PRPF4: variants seen among roughly 807,000 people sequenced by gnomAD.
The protein encoded by PRPF4 is U4/U6 small nuclear ribonucleoprotein Prp4.
A neutral mutation model predicts 72.2 loss-of-function variants in PRPF4; 14 were observed. That is an observed-to-expected ratio of 0.19 (90% CI 0.13 to 0.30). The LOEUF is 0.30. Among genes scored for constraint, PRPF4 ranks in the 10% least tolerant of loss-of-function variants. The pLI is 1.00. For synonymous variants in PRPF4, 225 were observed against 232.2 expected, an observed-to-expected ratio of 0.97 and a Z score of 0.28; for missense variants, 478 against 653.9, an observed-to-expected ratio of 0.73 and a Z score of 2.93.
chr9:113,284,471 A>C lies in PRPF4; in HGVS notation c.749+82A>C, dbSNP rs192236685. The C allele has an allele frequency of 8.9e-4, 1,017 of 1,142,862 alleles. 1 individual carries two copies. The highest frequency in any genetic ancestry group is 1.2e-3 in the Admixed American group (70 of 57,444). The allele number at this position is 1,142,862 out of a possible 1,614,324, so 70.8% of individuals were successfully genotyped here. On this transcript the variant is annotated intron_variant, in intron 7 of 13. Coordinates refer to ENST00000374198, the MANE Select transcript of PRPF4 (RefSeq NM_001244926.2). ...AAATTAGCATTTGCGTTAGACGTCTATTTCTACGTCCTCTTTCTCTGCTTC... is the reference window on the plus strand; with the variant it reads ...AAATTAGCATTTGCGTTAGACGTCTCTTTCTACGTCCTCTTTCTCTGCTTC...
In PRPF4 at chr9:113,288,178, T is replaced by C. The variant is rs1285042477; in HGVS notation, c.936T>C (p.Asp312=). 1 of 1,614,132 alleles carries C rather than the reference T, an allele frequency of 6.2e-7. No homozygotes were observed. The highest frequency in any genetic ancestry group is 8.5e-7 in the Non-Finnish European group (1 of 1,179,962). ...TATATGTTTGGTTCCTTTCCAGTGA[T>C]GAACCAGTGGCAGATATTGAAGGCC... is the stretch of plus-strand genomic sequence containing the variant. ...GSVKLWSLDS[D]EPVADIEGHT... Residue 312 remains aspartate, a synonymous_variant, in exon 10 of 14, where the codon GAT becomes GAC. Coordinates refer to ENST00000374198, the MANE Select transcript of PRPF4 (RefSeq NM_001244926.2).
intron 10 of PRPF4, among the ~76,000 whole-genome samples, chr9:113,289,050 TC>T (rs944699974): frequency 6.6e-6 from 1 of 152,080 alleles, no homozygotes; most frequent in African/African-American, 2.4e-5. Context: ...TCCAGCCAAC[TC>T]CCCCTTCTAA....
At chr9:113,281,844 G>A (rs1832291969) in intron 3 of PRPF4, among the ~76,000 whole-genome samples, 1 of 151,924 alleles carries the variant, frequency 6.6e-6, no homozygotes, top group South Asian at 2.1e-4. Flanking sequence ...GTCCCCTCTA[G>A]CCCTCTGTGC....
intron 1 of PRPF4, 151 bp downstream of exon 1, chr9:113,275,921 A>G (rs772064190): frequency 1.8e-5 from 19 of 1,051,094 alleles, no homozygotes; most frequent in Non-Finnish European, 2.5e-5. Context: ...ACAGCGGACC[A>G]CCGTTTTCCT....
chr9:113,290,144 C>T (rs772486874), intron 10 of PRPF4, among the ~76,000 whole-genome samples: 7 of 151,694 alleles, frequency 4.6e-5, no homozygotes, highest in Non-Finnish European at 1.0e-4. Context: ...GGCTTGAACC[C>T]GGGAGGTGGA....
At chr9:113,291,198 G>T (rs891758184) in intron 13 of PRPF4, among the ~76,000 whole-genome samples, 182 bp downstream of exon 13, 2 of 152,126 alleles carry the variant, frequency 1.3e-5, no homozygotes, top group Non-Finnish European at 2.9e-5. Flanking sequence ...GGGAAAGCAC[G>T]CTTCTCGTTG....
chr9:113,285,270 C>T (rs1037112845), intron 7 of PRPF4, among the ~76,000 whole-genome samples: 33 of 147,904 alleles, frequency 2.2e-4, no homozygotes, highest in African/African-American at 7.0e-4. Context: ...TGGAAGGCCA[C>T]GGCAGGAGGA....
intron 1 of PRPF4, among the ~76,000 whole-genome samples, chr9:113,276,163 T>C (rs1163596521): frequency 6.6e-6 from 1 of 152,244 alleles, no homozygotes; most frequent in Non-Finnish European, 1.5e-5. Context: ...TGTAACTTGT[T>C]ATCCTTTAGC....
At chr9:113,276,821 A>AT (rs780403020) in intron 2 of PRPF4, 96 bp downstream of exon 2, 110,965 of 996,524 alleles carry the variant, frequency 0.11, 1 homozygote, top group Middle Eastern at 0.13. Context: ...AAAAATTACA[A>AT]TTTTTTTTTT....
Position 113,292,777 on chromosome 9 carries a change from C to T in PRPF4, c.*1117C>T, listed in dbSNP as rs1224013707. Reference sequence around the variant, plus strand: ...TAAAGGGTACTTTATGTTGAAGTAACGAAAAAACCCTAATGGGTGTTCCTA... The same window carrying T: ...TAAAGGGTACTTTATGTTGAAGTAATGAAAAAACCCTAATGGGTGTTCCTA... On this transcript the variant is annotated 3_prime_UTR_variant, in exon 14 of 14. Coordinates refer to ENST00000374198, the MANE Select transcript of PRPF4 (RefSeq NM_001244926.2). The T allele has an allele frequency of 2.6e-5, 4 of 152,008 alleles. No individual in the cohort carries two copies. Among genetic ancestry groups the T allele is most frequent in the East Asian group, 1.9e-4 (1 of 5,190 alleles). The allele number at this position is 152,008 out of a possible 1,614,324, so 9.4% of individuals were successfully genotyped here. A position where few individuals can be genotyped will look rare whatever the true frequency, so the allele number is the denominator to read the frequency against.
chr9:113,279,233 A>G, intron 3 of PRPF4, 102 bp downstream of exon 3: 1 of 1,087,096 alleles, frequency 9.2e-7, no homozygotes, highest in South Asian at 1.7e-5. Context: ...AATGTCTCAA[A>G]TCATGTTAAC....
rs187861419 is a variant in PRPF4, at chr9:113,290,743, C to T, written c.1189C>T (p.Arg397Cys). 23 of 1,614,082 alleles carry T rather than the reference C, an allele frequency of 1.4e-5. 1 individual carries two copies. The Admixed American group carries it at 1.8e-4, about 13-fold the overall frequency. ...TCGAGTTTGGGACCTACGCACAGGA[C>T]GTTGTATCATGTTCTTAGAAGGCCA... is the stretch of plus-strand genomic sequence containing the variant. ...FGRVWDLRTGRCIMFLEGHLK... is the reference protein window; with the variant it reads ...FGRVWDLRTGCCIMFLEGHLK... Residue 397 changes from arginine (R) to cysteine (C), a missense_variant, in exon 12 of 14, where the codon CGT becomes TGT. By Grantham distance (180) the Arg-to-Cys change is radical (BLOSUM62 -3). Transcript: ENST00000374198.
chr9:113,290,835 G>GA (rs1832588182), intron 12 of PRPF4, 28 bp downstream of exon 12: 1 of 1,612,138 alleles, frequency 6.2e-7, no homozygotes, highest in Admixed American at 1.7e-5. Context: ...AATGAGGGGC[G>GA]AAAAAGGGTT....
At chr9:113,283,247 T>G (rs1832334787) in intron 5 of PRPF4, 36 bp downstream of exon 5, 1 of 1,613,838 alleles carries the variant, frequency 6.2e-7, no homozygotes, top group Admixed American at 1.7e-5. Context: ...AGAAGCATAT[T>G]TTTTGTGTGT....
chr9:113,277,330 A>G (rs1046155620), intron 2 of PRPF4, among the ~76,000 whole-genome samples: 1 of 152,232 alleles, frequency 6.6e-6, no homozygotes, highest in South Asian at 2.1e-4. Flanking sequence ...AGAGTGGTTC[A>G]TGATATTCTC....
In PRPF4 at chr9:113,291,800, T is replaced by C; in HGVS notation, c.*140T>C. 1 of 873,974 alleles carries C rather than the reference T, an allele frequency of 1.1e-6. No homozygotes were observed. Among genetic ancestry groups the C allele is most frequent in the Non-Finnish European group, 1.7e-6 (1 of 592,166 alleles). The allele number at this position is 873,974 out of a possible 1,614,324, so 54.1% of individuals were successfully genotyped here. A position where few individuals can be genotyped will look rare whatever the true frequency, so the allele number is the denominator to read the frequency against. Reference sequence around the variant, plus strand: ...GACCCTCAGTAGAATTGGATTTCCATGTCAGCCCCCACTCCAGGAAGGCAG... The same window carrying C: ...GACCCTCAGTAGAATTGGATTTCCACGTCAGCCCCCACTCCAGGAAGGCAG... On this transcript the variant is annotated 3_prime_UTR_variant, in exon 14 of 14. Transcript: ENST00000374198.
In PRPF4 at chr9:113,288,212, C is replaced by T. The variant is rs144672283; in HGVS notation, c.970C>T (p.Arg324Cys). 1.2e-6 allele frequency: 2 copies of T among 1,614,220 alleles called. No homozygotes were observed. Among genetic ancestry groups the T allele is most frequent in the Non-Finnish European group, 1.7e-6 (2 of 1,180,038 alleles). ...GGCAGATATTGAAGGCCATACAGTG[C>T]GTGTGGCGCGGGTAATGTGGCATCC... ...PVADIEGHTV[R>C]VARVMWHPSG... Residue 324 changes from arginine (R) to cysteine (C), a missense_variant, in exon 10 of 14, where the codon CGT becomes TGT. By Grantham distance (180) the Arg-to-Cys change is radical (BLOSUM62 -3). Transcript: ENST00000374198.
chr9:113,282,977 A>G (rs1832326446), intron 4 of PRPF4, 155 bp from the exon 5 acceptor site: 2 of 1,378,804 alleles, frequency 1.5e-6, no homozygotes, highest in East Asian at 2.3e-5. Flanking sequence ...GTTACATATC[A>G]TAGAAAAAAA....
At chr9:113,282,812 T>C in intron 4 of PRPF4, 79 bp downstream of exon 4, 1 of 1,230,212 alleles carries the variant, frequency 8.1e-7, no homozygotes, top group Admixed American at 2.1e-5. Context: ...CTTTCAATGG[T>C]TTGTTTTGCT....
Sources: gnomAD v4.1 joint callset for allele counts (sites outside exome capture counted in the v4.1 genomes callset) on GRCh38, gnomAD v4.1.1 for gene constraint, MANE v1.5 for transcripts, NCBI Gene and HGNC (gene_info 2026-07-23, HGNC 2026-07-21) for gene names.